Variants in TSHZ2 observed in about 807,000 individuals in gnomAD.
TSHZ2 encodes teashirt zinc finger homeobox 2.
In TSHZ2, 21 loss-of-function variants were observed where a neutral mutation model predicts 74.4. That is an observed-to-expected ratio of 0.28 (90% CI 0.20 to 0.41). The LOEUF is 0.41. Among genes scored for constraint, TSHZ2 ranks in the 10% least tolerant of loss-of-function variants. TSHZ2 has a pLI of 1.00. For missense variants in TSHZ2, 1,244 were observed against 1,293.5 expected (o/e 0.96, Z 0.59); for synonymous variants, 540 against 515.3 (o/e 1.05, Z -0.65).
chr20:53,218,051 A>G lies in TSHZ2; in HGVS notation c.41-35448A>G, dbSNP rs193213633. Among the ~76,000 whole-genome samples the G allele has an allele frequency of 1.6e-3, 248 of 152,390 alleles. 6 individuals are homozygous for G. In the South Asian group the frequency reaches 0.023, roughly 14 times the overall value. ...CCCAACACCCTCCTTTTTAAGAGTG[A>G]GAAAGCCGAGGCTCCTTTGAAGGAG... On this transcript the variant is annotated intron_variant, in intron 1 of 2. Transcript: ENST00000371497.
At chr20:53,194,030 A>G (rs986351852) in intron 1 of TSHZ2, among the ~76,000 whole-genome samples, 2 of 152,118 alleles carry the variant, frequency 1.3e-5, no homozygotes, top group African/African-American at 4.8e-5. Flanking sequence ...CTGATGATTC[A>G]TTTATCTGAT....
intron 1 of TSHZ2, among the ~76,000 whole-genome samples, chr20:53,024,049 C>T (rs1293323150): frequency 4.0e-5 from 6 of 151,758 alleles, no homozygotes; most frequent in African/African-American, 7.3e-5. Flanking sequence ...ATTTTTTTCC[C>T]CTATTGAAGT....
chr20:53,131,864 GTC>G (rs1441432978), intron 1 of TSHZ2, among the ~76,000 whole-genome samples: 2 of 133,100 alleles, frequency 1.5e-5, no homozygotes, highest in Non-Finnish European at 3.1e-5. Context: ...AGCAATCCTA[GTC>G]TCTCAGATGC....
chr20:53,058,612 A>C (rs891318375), intron 1 of TSHZ2, among the ~76,000 whole-genome samples: 1 of 152,242 alleles, frequency 6.6e-6, no homozygotes, highest in Non-Finnish European at 1.5e-5. Flanking sequence ...GTCATTCAAA[A>C]GACAGTAGGA....
chr20:53,194,588 G>A (rs185424073), intron 1 of TSHZ2, among the ~76,000 whole-genome samples: 7 of 152,318 alleles, frequency 4.6e-5, no homozygotes, highest in Admixed American at 4.6e-4. Flanking sequence ...CCCTTTAGGG[G>A]TATGTTTCAG....
chr20:53,129,426 G>T (rs1456030330), intron 1 of TSHZ2, among the ~76,000 whole-genome samples: 1 of 152,004 alleles, frequency 6.6e-6, no homozygotes, highest in East Asian at 1.9e-4. Context: ...AAAATGAAAG[G>T]TTTCCCACAT....
intron 1 of TSHZ2, among the ~76,000 whole-genome samples, chr20:53,249,689 G>A (rs1191763528): frequency 1.3e-5 from 2 of 152,180 alleles, no homozygotes; most frequent in South Asian, 2.1e-4. Context: ...TCAAGGAGGG[G>A]CAAGTAGATT....
At chr20:53,044,470 A>G (rs960169707) in intron 1 of TSHZ2, among the ~76,000 whole-genome samples, 3 of 152,200 alleles carry the variant, frequency 2.0e-5, no homozygotes, top group Non-Finnish European at 2.9e-5. Context: ...AAAATCTGTC[A>G]TGGTCCTTGT....
Position 53,256,407 on chromosome 20 carries a change from A to G in TSHZ2, c.2949A>G (p.Thr983=), listed in dbSNP as rs1382257264. 1.9e-6 allele frequency: 3 copies of G among 1,613,928 alleles called. No individual in the cohort carries two copies. The highest frequency in any genetic ancestry group is 1.1e-5 in the South Asian group (1 of 91,092). The change falls in exon 2 of 3, where the codon ACA becomes ACG. Residue 983 remains threonine, a synonymous_variant. Coordinates refer to ENST00000371497, the MANE Select transcript of TSHZ2 (RefSeq NM_173485.6). This position sits in a 1 kb window ranked among gnomAD's most constrained non-coding sequence, Gnocchi z 4.3. ...RVSSAQRSPE[T]IAAEEDTDSK... is the part of the protein sequence containing the mutation. Reference sequence around the variant, plus strand: ...CGTCGGCTCAGAGGTCTCCAGAAACAATAGCTGCCGAAGAGGACACAGACT... The same window carrying G: ...CGTCGGCTCAGAGGTCTCCAGAAACGATAGCTGCCGAAGAGGACACAGACT...
chr20:53,096,099 C>G (rs766561800), intron 1 of TSHZ2, among the ~76,000 whole-genome samples: 2 of 152,072 alleles, frequency 1.3e-5, no homozygotes, highest in Non-Finnish European at 2.9e-5. Context: ...TTCTAGGTCT[C>G]CCTCCTGTTA....
intron 2 of TSHZ2, among the ~76,000 whole-genome samples, chr20:53,327,320 A>T (rs1023965059): frequency 6.6e-6 from 1 of 152,148 alleles, no homozygotes; most frequent in African/African-American, 2.4e-5. Context: ...ACAGCCATTA[A>T]CTCTATTATT....
At chr20:53,012,494 C>T (rs918029868) in intron 1 of TSHZ2, among the ~76,000 whole-genome samples, 4 of 152,188 alleles carry the variant, frequency 2.6e-5, no homozygotes, top group African/African-American at 9.6e-5. Context: ...GGTTCAAACA[C>T]ACTTTAAAGC....
At chr20:53,001,791 C>T (rs1403998126) in intron 1 of TSHZ2, among the ~76,000 whole-genome samples, 1 of 152,134 alleles carries the variant, frequency 6.6e-6, no homozygotes, top group Non-Finnish European at 1.5e-5. Flanking sequence ...CGTATGTCTT[C>T]CCTATTGAGT....
rs374483143 is a variant in TSHZ2 at position 53,489,546 on chromosome 20, GGGA to G, written c.*2416_*2418del. The stretch of plus-strand genomic sequence containing the variant: ...ATTCTCGAGCCCTTGCTCCAATGGG[GGGA>G]GGAGATCAATACAATTCCCAATTCC... On this transcript the variant is annotated 3_prime_UTR_variant, in exon 3 of 3. Coordinates refer to ENST00000371497, the MANE Select transcript of TSHZ2 (RefSeq NM_173485.6). 575 of 204,282 alleles carry G rather than the reference GGGA, an allele frequency of 2.8e-3. 1 individual carries two copies. The highest frequency in any genetic ancestry group is 3.3e-3 in the Non-Finnish European group (324 of 99,232). 12.7% of individuals were successfully genotyped at this position (204,282 alleles called of 1,614,324 possible). A position where few individuals can be genotyped will look rare whatever the true frequency, so the allele number is the denominator to read the frequency against.
chr20:53,198,388 C>T (rs1988923657), intron 1 of TSHZ2: 1 of 152,100 alleles, frequency 6.6e-6, no homozygotes, highest in Non-Finnish European at 1.5e-5. Flanking sequence ...GTTTTATACA[C>T]GTTATCACAC....
At chr20:53,351,432 A>AT (rs1290542836) in intron 2 of TSHZ2, among the ~76,000 whole-genome samples, 1 of 152,178 alleles carries the variant, frequency 6.6e-6, no homozygotes, top group African/African-American at 2.4e-5. Flanking sequence ...AAAATAAAGA[A>AT]TTTTTTTAAC....
At position 53,195,960 on chromosome 20, in the gene TSHZ2, A is replaced by AT. The variant is rs557650678; in HGVS notation, c.41-57532dup. The stretch of plus-strand genomic sequence containing the variant: ...GTGCCCATTCAGAATGATGTATTCT[A>AT]TTTTTTTGTGCTAAGAGCAGCGTGG... On this transcript the variant is annotated intron_variant, in intron 1 of 2. Transcript: ENST00000371497. Among the ~76,000 whole-genome samples the AT allele has an allele frequency of 1.5e-4, 23 of 152,182 alleles. No individual in the cohort carries two copies. The South Asian group carries it at 2.5e-3, about 16-fold the overall frequency.
intron 1 of TSHZ2, among the ~76,000 whole-genome samples, chr20:53,199,641 T>C (rs1287429565): frequency 6.6e-6 from 1 of 152,182 alleles, no homozygotes; most frequent in Non-Finnish European, 1.5e-5. Flanking sequence ...TAGGGGCTCA[T>C]GTGACTAGGT....
intron 2 of TSHZ2, among the ~76,000 whole-genome samples, chr20:53,317,356 G>A (rs1287358634): frequency 6.6e-6 from 1 of 152,194 alleles, no homozygotes; most frequent in East Asian, 1.9e-4. Context: ...TTTTAAATAT[G>A]TGTAAGTCAT....
Sources: allele counts gnomAD v4.1 joint callset (sites outside exome capture counted in the v4.1 genomes callset), GRCh38; gene constraint gnomAD v4.1.1; non-coding constraint Gnocchi (gnomAD v3.1); transcripts MANE v1.5; gene names NCBI Gene and HGNC (gene_info 2026-07-23, HGNC 2026-07-21).